Variants in ZNF423 observed in about 807,000 individuals in gnomAD.
ZNF423 encodes Ebf-associated zinc finger protein.
Under a neutral mutation model 95.8 loss-of-function variants are expected in ZNF423, and 12 were observed. That is an observed-to-expected ratio of 0.13 (90% CI 0.08 to 0.20). The LOEUF is 0.20. Ranked by LOEUF, ZNF423 falls within the 10% of genes least tolerant of loss-of-function variation. ZNF423 has a pLI of 1.00. For synonymous variants in ZNF423, 749 were observed against 711.9 expected (o/e 1.05, Z -0.83); for missense variants, 1,316 against 1,737.1 (o/e 0.76, Z 4.31).
chr16:49,681,276 T>C (rs2031343794), intron 3 of ZNF423, among the ~76,000 whole-genome samples: 1 of 152,168 alleles, frequency 6.6e-6, no homozygotes, highest in South Asian at 2.1e-4. Flanking sequence ...TGCTCTAGTT[T>C]GGGGAAAATA....
chr16:49,787,924 G>A (rs1208821372), intron 2 of ZNF423, among the ~76,000 whole-genome samples: 4 of 152,160 alleles, frequency 2.6e-5, no homozygotes, highest in African/African-American at 7.2e-5. Flanking sequence ...TGCACCCCTC[G>A]TCTCTCAGGA....
chr16:49,504,682 GCA>G (rs2151668048), intron 7 of ZNF423, among the ~76,000 whole-genome samples: 1 of 152,320 alleles, frequency 6.6e-6, no homozygotes, highest in African/African-American at 2.4e-5. Context: ...GCTGGAAGGT[GCA>G]CAGATCATAG....
chr16:49,620,909 C>A (rs1230256394), intron 5 of ZNF423, among the ~76,000 whole-genome samples: 1 of 152,198 alleles, frequency 6.6e-6, no homozygotes, highest in Admixed American at 6.5e-5. Context: ...GGGCAGTGTA[C>A]ATACATTATA....
Position 49,492,925 on chromosome 16 carries a change from T to C in ZNF423, c.3850-1621A>G. Among the ~76,000 whole-genome samples the C allele has an allele frequency of 6.6e-6, 1 of 151,970 alleles. No individual in the cohort carries two copies. The highest frequency in any genetic ancestry group is 1.9e-4 in the East Asian group (1 of 5,156). On this transcript the variant is annotated intron_variant, in intron 7 of 7. Coordinates refer to ENST00000563137, the MANE Select transcript of ZNF423 (RefSeq NM_001379286.1). The surrounding 1 kb of genome is among the most constrained non-coding windows in gnomAD (Gnocchi z 4.2). ...AGGGGATTTTCAGGGGAGCCAGGCT[T>C]CCCAGGGCCTGCACCCCATGGGCAC...
chr16:49,789,663 C>T, intron 1 of ZNF423, 117 bp from the exon 2 acceptor site: 1 of 944,378 alleles, frequency 1.1e-6, no homozygotes, highest in Non-Finnish European at 1.5e-6. Context: ...ATACCCATCA[C>T]CAGGGGAGAG....
intron 3 of ZNF423, among the ~76,000 whole-genome samples, chr16:49,639,321 AGGAAATCCCACT>A (rs1283864812): frequency 6.6e-6 from 1 of 152,242 alleles, no homozygotes; most frequent in Non-Finnish European, 1.5e-5. Context: ...CCTGGAGGGA[AGGAAATCCCACT>A]GGTCCTTATG....
intron 1 of ZNF423, among the ~76,000 whole-genome samples, chr16:49,851,293 T>G (rs957305827): frequency 6.6e-6 from 1 of 152,138 alleles, no homozygotes; most frequent in Non-Finnish European, 1.5e-5. Context: ...TAAATCAGCC[T>G]TTTTCAAAGA....
chr16:49,683,236 G>C (rs2031437535), intron 3 of ZNF423, among the ~76,000 whole-genome samples: 2 of 152,162 alleles, frequency 1.3e-5, no homozygotes, highest in Admixed American at 6.5e-5. Flanking sequence ...GGACAAGGCA[G>C]CCCCTCAAGG....
At chr16:49,643,287 A>G (rs1318193426) in intron 3 of ZNF423, among the ~76,000 whole-genome samples, 3 of 152,152 alleles carry the variant, frequency 2.0e-5, no homozygotes, top group African/African-American at 7.2e-5. Flanking sequence ...CAGTCGCTAC[A>G]TTTTTATTTT....
Position 49,630,609 on chromosome 16 carries a change from T to C in ZNF423, c.3517-4355A>G, listed in dbSNP as rs558866364. ...CCCCCCTCCAAGGATGGCGATTTGC[T>C]TGGGTGCAAGTCTCTAGAGGCTGCA... On this transcript the variant is annotated intron_variant, in intron 4 of 7. Transcript: ENST00000563137. Among the ~76,000 whole-genome samples, 5 of 152,158 alleles carry C rather than the reference T, an allele frequency of 3.3e-5. No individual in the cohort carries two copies. The South Asian group carries it at 1.0e-3, about 32-fold the overall frequency.
At chr16:49,703,556 G>T (rs1268241940) in intron 3 of ZNF423, among the ~76,000 whole-genome samples, 1 of 152,220 alleles carries the variant, frequency 6.6e-6, no homozygotes, top group Non-Finnish European at 1.5e-5. Context: ...ACATTTCAAT[G>T]GACAAATGGC....
In ZNF423 at chr16:49,492,214, C is replaced by T. The variant is rs952905500; in HGVS notation, c.3850-910G>A. ...TGTTCCAAATTCAGACCCATTTCAT[C>T]AAAGCCTCAGGTGGTGCTCCACCTC... On this transcript the variant is annotated intron_variant, in intron 7 of 7. Transcript: ENST00000563137. The surrounding 1 kb of genome is among the most constrained non-coding windows in gnomAD (Gnocchi z 4.2). 1.3e-5 allele frequency among the ~76,000 whole-genome samples: 2 copies of T among 152,202 alleles called. No homozygotes were observed. The highest frequency in any genetic ancestry group is 2.9e-5 in the Non-Finnish European group (2 of 68,030).
At chr16:49,611,148 A>G (rs896169674) in intron 5 of ZNF423, among the ~76,000 whole-genome samples, 5 of 152,066 alleles carry the variant, frequency 3.3e-5, no homozygotes, top group African/African-American at 1.2e-4. Flanking sequence ...ATCATTGACC[A>G]ACAGGATCTA....
chr16:49,598,829 C>CCAGTG (rs2151827735), intron 5 of ZNF423, among the ~76,000 whole-genome samples: 1 of 152,354 alleles, frequency 6.6e-6, no homozygotes, highest in Non-Finnish European at 1.5e-5. Context: ...TGGTTTATAA[C>CCAGTG]TACTGCAGCA....
At chr16:49,584,030 C>A (rs1008688189) in intron 5 of ZNF423, among the ~76,000 whole-genome samples, 1 of 152,210 alleles carries the variant, frequency 6.6e-6, no homozygotes, top group Admixed American at 6.5e-5. Flanking sequence ...CTGATAACCA[C>A]AAAGCATTGT....
At chr16:49,704,326 G>A (rs2032284759) in intron 3 of ZNF423, among the ~76,000 whole-genome samples, 1 of 152,172 alleles carries the variant, frequency 6.6e-6, no homozygotes, top group Admixed American at 6.5e-5. Flanking sequence ...AGGAAATCCA[G>A]AGGTGACCTC....
intron 3 of ZNF423, among the ~76,000 whole-genome samples, chr16:49,681,170 A>C (rs1285571006): frequency 6.6e-6 from 1 of 152,212 alleles, no homozygotes; most frequent in Admixed American, 6.5e-5. Flanking sequence ...GACTCAGTAC[A>C]AACTCCAATA....
At chr16:49,518,342 A>G in intron 7 of ZNF423, 1 of 416,674 alleles carries the variant, frequency 2.4e-6, no homozygotes, top group Non-Finnish European at 4.7e-6. Context: ...TCCAGTGACA[A>G]TCTTTCCACA....
At chr16:49,500,196 C>G (rs1967338710) in intron 7 of ZNF423, among the ~76,000 whole-genome samples, 1 of 152,166 alleles carries the variant, frequency 6.6e-6, no homozygotes, top group African/African-American at 2.4e-5. Context: ...ATGTGACCCC[C>G]ACCTACTGCT....
Sources: allele counts gnomAD v4.1 joint callset (sites outside exome capture counted in the v4.1 genomes callset), GRCh38; gene constraint gnomAD v4.1.1; non-coding constraint Gnocchi (gnomAD v3.1); transcripts MANE v1.5; gene names NCBI Gene and HGNC (gene_info 2026-07-23, HGNC 2026-07-21).